IGF2R: variants seen among roughly 807,000 people sequenced by gnomAD.
IGF2R encodes insulin like growth factor 2 receptor.
IGF2R carries 91 observed loss-of-function variants against 270.6 expected under a neutral mutation model. The ratio of observed to expected loss-of-function variants is 0.34; its 90% CI spans 0.28 to 0.40. The LOEUF (loss-of-function observed/expected upper bound fraction) is 0.40. Among genes scored for constraint, IGF2R ranks in the 10% least tolerant of loss-of-function variants. The pLI, the probability that IGF2R is intolerant of heterozygous loss-of-function variation, is 1.00. For missense variants in IGF2R, 2,805 were observed against 3,188.3 expected (o/e 0.88, Z 2.90); for synonymous variants, 1,316 against 1,258.9 (o/e 1.05, Z -0.96).
At chr6:159,972,101 G>T (rs983415836) in intron 1 of IGF2R, among the ~76,000 whole-genome samples, 2 of 152,164 alleles carry the variant, frequency 1.3e-5, no homozygotes, top group Non-Finnish European at 2.9e-5. Context: ...TGAGGAATAG[G>T]AATGTAAGTT....
chr6:160,078,675 G>A (rs1346764175), intron 37 of IGF2R, among the ~76,000 whole-genome samples: 4 of 152,184 alleles, frequency 2.6e-5, no homozygotes, highest in Non-Finnish European at 4.4e-5. Context: ...GGGGCAGCCC[G>A]GAGACATGAA....
Position 160,105,037 on chromosome 6 carries a change from C to T in IGF2R, c.7429C>T (p.Leu2477=), listed in dbSNP as rs750898051. ...AQQKTVSSTK[L]VSFHDDSDED... The stretch of plus-strand genomic sequence containing the variant: ...GCAGAAGACAGTGAGCTCCACCAAG[C>T]TGGTGTCCTTCCATGACGACAGCGA... Residue 2477 remains leucine (L), a synonymous_variant, in exon 48 of 48, where the codon CTG becomes TTG. Coordinates refer to ENST00000356956, the MANE Select transcript of IGF2R (RefSeq NM_000876.4). The T allele has an allele frequency of 1.2e-6, 2 of 1,611,050 alleles. No homozygotes were observed. The highest frequency in any genetic ancestry group is 4.5e-5 in the East Asian group (2 of 44,842).
At chr6:160,073,170 G>A (rs780756135) in intron 33 of IGF2R, 43 bp from the exon 34 acceptor site, 47 of 1,596,734 alleles carry the variant, frequency 2.9e-5, no homozygotes, top group Middle Eastern at 1.7e-4. Context: ...ATTGGCCATC[G>A]AGTCTGTGAT....
At chr6:160,090,994 G>A (rs1454405848) in intron 44 of IGF2R, among the ~76,000 whole-genome samples, 3 of 146,824 alleles carry the variant, frequency 2.0e-5, no homozygotes, top group South Asian at 2.2e-4. Flanking sequence ...TGAGCGCATC[G>A]CTGAGAAGGA....
rs1319156714 is a variant in IGF2R, at chr6:160,073,361, G to T, written c.4839G>T (p.Val1613=). 6.2e-7 allele frequency: 1 copy of T among 1,614,274 alleles called. No individual in the cohort carries two copies. The part of the protein sequence containing the change: ...GLSYKSVISF[V]CRPEARPTNR... ...GCTATAAGAGTGTGATCAGTTTCGT[G>T]TGCAGGCCTGAGGCCAGGCCAACCA... Residue 1613 remains valine, a synonymous_variant, in exon 34 of 48, where the codon GTG becomes GTT. Transcript: ENST00000356956.
Position 160,103,835 on chromosome 6 carries a change from C to T in IGF2R, c.7065+20C>T, listed in dbSNP as rs746033240. The T allele has an allele frequency of 1.3e-6, 2 of 1,553,440 alleles. No individual in the cohort carries two copies. Among genetic ancestry groups the T allele is most frequent in the African/African-American group, 1.4e-5 (1 of 73,696 alleles). On this transcript the variant is annotated intron_variant, in intron 47 of 47. Coordinates refer to ENST00000356956, the MANE Select transcript of IGF2R (RefSeq NM_000876.4). ...TCAAAGGTAATTTTCTGTGGCGAGT[C>T]TCTTGAAGGCCTGCCTCCCCGGCCC... is the stretch of plus-strand genomic sequence containing the variant.
intron 2 of IGF2R, among the ~76,000 whole-genome samples, chr6:159,996,195 G>T (rs1428504235): frequency 4.6e-5 from 7 of 152,152 alleles, no homozygotes; most frequent in African/African-American, 1.7e-4. Context: ...CTCCCGCGGG[G>T]CCTGGAAGGC....
At chr6:160,077,293 C>T (rs1336753151) in intron 36 of IGF2R, among the ~76,000 whole-genome samples, 1 of 152,170 alleles carries the variant, frequency 6.6e-6, no homozygotes, top group Non-Finnish European at 1.5e-5. Context: ...TCTGTAGATG[C>T]ACACAGCATG....
At chr6:160,005,340 A>G (rs1187868894) in intron 2 of IGF2R, 1 of 152,256 alleles carries the variant, frequency 6.6e-6, no homozygotes, top group African/African-American at 2.4e-5. Flanking sequence ...TTGGGAGCTG[A>G]CTGGGGGCCT....
chr6:160,042,070 A>T (rs1181580911), intron 11 of IGF2R, among the ~76,000 whole-genome samples: 1 of 152,020 alleles, frequency 6.6e-6, no homozygotes, highest in African/African-American at 2.4e-5. Flanking sequence ...TACATTTTTC[A>T]ATCTACAGAC....
intron 1 of IGF2R, among the ~76,000 whole-genome samples, chr6:159,982,691 A>G (rs564195365): frequency 1.3e-5 from 2 of 152,236 alleles, no homozygotes; most frequent in Admixed American, 6.5e-5. Flanking sequence ...GACCATTAGC[A>G]TAACCCCAAG....
intron 11 of IGF2R, among the ~76,000 whole-genome samples, chr6:160,042,735 C>T (rs911309431): frequency 5.9e-5 from 9 of 152,134 alleles, no homozygotes; most frequent in African/African-American, 1.7e-4. Flanking sequence ...TCACAGGGGC[C>T]GAGCGGGGTG....
rs1022734533 is a variant in IGF2R, at chr6:159,983,601, C to T, written c.150-7583C>T. Among the ~76,000 whole-genome samples, 12 of 152,310 alleles carry T rather than the reference C, an allele frequency of 7.9e-5. No homozygotes were observed. In the East Asian group the frequency reaches 2.1e-3, roughly 27 times the overall value. On this transcript the variant is annotated intron_variant, in intron 1 of 47. Coordinates refer to ENST00000356956, the MANE Select transcript of IGF2R (RefSeq NM_000876.4). ...GGGTATGTTTCTGCCACAGACTTTG[C>T]TTTAAAAGCAGAGATCTTCTAAAGT...
At chr6:159,970,789 A>G (rs1380307079) in intron 1 of IGF2R, among the ~76,000 whole-genome samples, 1 of 152,236 alleles carries the variant, frequency 6.6e-6, no homozygotes, top group African/African-American at 2.4e-5. Flanking sequence ...AAAATAAGAA[A>G]TTAACTCGCC....
At chr6:160,040,437 C>G (rs908018298) in intron 10 of IGF2R, 123 bp from the exon 11 acceptor site, 12 of 749,260 alleles carry the variant, frequency 1.6e-5, no homozygotes, top group Non-Finnish European at 2.7e-5. Flanking sequence ...CTAAAAAAAC[C>G]TGGACCTGAA....
chr6:159,986,428 GTGTTTTTT>G (rs1783887284), intron 1 of IGF2R, among the ~76,000 whole-genome samples: 1 of 116,358 alleles, frequency 8.6e-6, no homozygotes, highest in African/African-American at 3.5e-5. Flanking sequence ...GTGTGTGTGT[GTGTTTTTT>G]TTTTTTTTTT....
At chr6:160,001,118 A>T (rs1784123121) in intron 2 of IGF2R, among the ~76,000 whole-genome samples, 1 of 152,060 alleles carries the variant, frequency 6.6e-6, no homozygotes, top group Admixed American at 6.5e-5. Context: ...GCCTGTTAGG[A>T]GCTGGGCTGC....
At chr6:160,024,433 C>T (rs769577989) in intron 4 of IGF2R, 139 bp from the exon 5 acceptor site, 1 of 765,534 alleles carries the variant, frequency 1.3e-6, no homozygotes, top group Non-Finnish European at 2.2e-6. Flanking sequence ...TTGACCTTTG[C>T]CTGAGTTCGT....
In IGF2R at chr6:160,083,908, A is replaced by C. The variant is rs1779039936; in HGVS notation, c.5834-42A>C. 2.2e-6 allele frequency: 3 copies of C among 1,335,458 alleles called. No individual in the cohort carries two copies. In the East Asian group the frequency reaches 6.9e-5, roughly 31 times the overall value. The allele number at this position is 1,335,458 out of a possible 1,614,324, so 82.7% of individuals were successfully genotyped here. ...ATGTCTTCCCTTTCTGCATAGACAC[A>C]GTGACAGTCTGATCTCTCTCTCTTT... On this transcript the variant is annotated intron_variant, in intron 39 of 47. Coordinates refer to ENST00000356956, the MANE Select transcript of IGF2R (RefSeq NM_000876.4).
Sources: gnomAD v4.1 joint callset for allele counts (sites outside exome capture counted in the v4.1 genomes callset) on GRCh38, gnomAD v4.1.1 for gene constraint, MANE v1.5 for transcripts, NCBI Gene and HGNC (gene_info 2026-07-23, HGNC 2026-07-21) for gene names.